Variants in ZNF536 observed in about 807,000 individuals in gnomAD.
ZNF536 encodes zinc finger protein 536.
In ZNF536, 13 loss-of-function variants were observed where a neutral mutation model predicts 84.5. The observed-to-expected ratio is 0.15, with a 90% CI of 0.10 to 0.24. The LOEUF (loss-of-function observed/expected upper bound fraction) is 0.24, where lower values mean the gene tolerates loss of function less well. Among genes scored for constraint, ZNF536 ranks in the 10% least tolerant of loss-of-function variants. The pLI, the probability that ZNF536 is intolerant of heterozygous loss-of-function variation, is 1.00. For missense variants in ZNF536, 1,536 were observed against 1,747.5 expected, an observed-to-expected ratio of 0.88 and a Z score of 2.16; for synonymous variants, 811 against 742.5, an observed-to-expected ratio of 1.09 and a Z score of -1.50.
At chr19:30,455,621 C>T (rs576062507) in intron 2 of ZNF536, among the ~76,000 whole-genome samples, 6 of 152,216 alleles carry the variant, frequency 3.9e-5, no homozygotes, top group South Asian at 2.1e-4. Context: ...AGATCGCTTA[C>T]GCCCAAGAGG....
chr19:30,435,460 G>T (rs971293480), intron 1 of ZNF536, among the ~76,000 whole-genome samples: 2 of 151,358 alleles, frequency 1.3e-5, no homozygotes, highest in South Asian at 4.2e-4. Context: ...GATGGTGATG[G>T]TAGTGATACT....
At chr19:30,473,312 T>TC (rs946796108) in intron 2 of ZNF536, among the ~76,000 whole-genome samples, 1 of 151,922 alleles carries the variant, frequency 6.6e-6, no homozygotes, top group Admixed American at 6.6e-5. Flanking sequence ...CTGATACAGT[T>TC]CCCCCTAGAA....
intron 2 of ZNF536, among the ~76,000 whole-genome samples, chr19:30,315,233 G>A (rs1241213142): frequency 6.6e-6 from 1 of 152,188 alleles, no homozygotes; most frequent in Non-Finnish European, 1.5e-5. Context: ...TCCTTCTCTT[G>A]TGAAGTGTAC....
upstream of ZNF536, among the ~76,000 whole-genome samples, chr19:30,369,584 T>C (rs916009161): frequency 1.3e-5 from 2 of 152,182 alleles, no homozygotes; most frequent in Admixed American, 1.3e-4. Flanking sequence ...ATAAAAATTG[T>C]AAAGGAAAAG....
intron 3 of ZNF536, among the ~76,000 whole-genome samples, chr19:30,546,085 G>A (rs1003634147): frequency 1.3e-5 from 2 of 152,128 alleles, no homozygotes; most frequent in African/African-American, 4.8e-5. Context: ...GACTGCCTCT[G>A]TTACACCTGA....
intron 2 of ZNF536, among the ~76,000 whole-genome samples, chr19:30,306,038 C>T (rs909448707): frequency 5.9e-5 from 9 of 152,210 alleles, no homozygotes; most frequent in South Asian, 4.1e-4. Context: ...GACAAATGTT[C>T]ACATTATTCA....
intron 1 of ZNF536, among the ~76,000 whole-genome samples, chr19:30,413,047 G>C (rs2053068): frequency 0.98 from 149,532 of 152,170 alleles, 73,588 homozygotes; most frequent in African/African-American, 1. Flanking sequence ...TTTAAAATGT[G>C]TTTTGTATCT....
At chr19:30,625,364 G>A (rs1458787230) in intron 1 of ZNF536, among the ~76,000 whole-genome samples, 1 of 152,148 alleles carries the variant, frequency 6.6e-6, no homozygotes, top group East Asian at 1.9e-4. Flanking sequence ...TTCTAATCTA[G>A]GAGGAAAGCT....
At chr19:30,680,358 C>G (rs112754972) in intron 1 of ZNF536, among the ~76,000 whole-genome samples, 22 of 149,788 alleles carry the variant, frequency 1.5e-4, no homozygotes, top group African/African-American at 5.2e-4. Flanking sequence ...CCCATTAACT[C>G]GTCATTTAGC....
intron 1 of ZNF536, among the ~76,000 whole-genome samples, chr19:30,582,286 A>C (rs2046946765): frequency 6.6e-6 from 1 of 151,748 alleles, no homozygotes; most frequent in African/African-American, 2.4e-5. Context: ...GTGTGATTCT[A>C]CTGCTCACAC....
At chr19:30,589,203 C>T (rs974884986) in intron 1 of ZNF536, among the ~76,000 whole-genome samples, 3 of 152,206 alleles carry the variant, frequency 2.0e-5, no homozygotes, top group African/African-American at 7.2e-5. Context: ...GTATTTGCAT[C>T]TGCTCTTTGT....
intron 1 of ZNF536, among the ~76,000 whole-genome samples, chr19:30,404,068 C>T (rs562259166): frequency 3.6e-5 from 5 of 139,872 alleles, no homozygotes; most frequent in South Asian, 2.3e-4. Flanking sequence ...CTCCTCATCA[C>T]GGTGCACTAT....
chr19:30,625,377 T>C (rs1468078021), intron 1 of ZNF536, among the ~76,000 whole-genome samples: 1 of 152,240 alleles, frequency 6.6e-6, no homozygotes, highest in African/African-American at 2.4e-5. Flanking sequence ...GGAAAGCTAG[T>C]TAACTTGTGT....
intron 2 of ZNF536, among the ~76,000 whole-genome samples, chr19:30,347,120 T>TTTC (rs10678520): frequency 0.019 from 2,814 of 147,374 alleles, 80 homozygotes; most frequent in African/African-American, 0.056. Context: ...TTTTTTTTTT[T>TTTC]ATATGATTCT....
chr19:30,606,911 G>A (rs1568597815), intron 1 of ZNF536, among the ~76,000 whole-genome samples: 1 of 152,122 alleles, frequency 6.6e-6, no homozygotes, highest in Admixed American at 6.5e-5. Context: ...AACACTGGGG[G>A]CAGCTATTGG....
intron 1 of ZNF536, among the ~76,000 whole-genome samples, chr19:30,594,630 T>C (rs2047389970): frequency 6.6e-6 from 1 of 152,114 alleles, no homozygotes; most frequent in African/African-American, 2.4e-5. Context: ...CCGTGGAGCC[T>C]GCTGGAGAGA....
chr19:30,469,624 C>A (rs1330600726), intron 2 of ZNF536, among the ~76,000 whole-genome samples: 1 of 152,182 alleles, frequency 6.6e-6, no homozygotes, highest in African/African-American at 2.4e-5. Context: ...TTTGGTAGTT[C>A]TCAATTAATG....
At chr19:30,635,847 G>A (rs1050598819) in intron 1 of ZNF536, among the ~76,000 whole-genome samples, 3 of 152,182 alleles carry the variant, frequency 2.0e-5, no homozygotes, top group Admixed American at 1.3e-4. Context: ...AGGACACTGC[G>A]GAGAGCGCTT....
intron 2 of ZNF536, among the ~76,000 whole-genome samples, chr19:30,512,067 T>C (rs2055436341): frequency 1.3e-5 from 2 of 152,222 alleles, no homozygotes; most frequent in Admixed American, 6.5e-5. Flanking sequence ...TTTATGGATA[T>C]ACAGACTTTT....
Sources: gnomAD v4.1 joint callset for allele counts (sites outside exome capture counted in the v4.1 genomes callset) on GRCh38, gnomAD v4.1.1 for gene constraint, MANE v1.5 for transcripts, NCBI Gene and HGNC (gene_info 2026-07-23, HGNC 2026-07-21) for gene names.